The following IFT88 variants were observed in gnomAD, a reference collection of about 807,000 sequenced individuals.
The protein encoded by IFT88 is intraflagellar transport protein 88 homolog.
In IFT88, 74 loss-of-function variants were observed where a neutral mutation model predicts 119.5. The ratio of observed to expected loss-of-function variants is 0.62; its 90% confidence interval spans 0.51 to 0.75. The LOEUF is 0.75. Among genes scored for constraint, IFT88 ranks in the 30% least tolerant of loss-of-function variants. The pLI, the probability that IFT88 is intolerant of heterozygous loss-of-function variation, is 0.00. For synonymous variants in IFT88, 279 were observed against 316.7 expected (o/e 0.88, Z 1.26); for missense variants, 961 against 977.7 (o/e 0.98, Z 0.23).
intron 7 of IFT88, 121 bp downstream of exon 7, chr13:20,592,525 A>G (rs2040860995): frequency 1.5e-6 from 1 of 656,142 alleles, no homozygotes. Context: ...GCTGGAGTGC[A>G]GTGATGCGAT....
intron 1 of IFT88, among the ~76,000 whole-genome samples, chr13:20,572,378 C>T (rs1316482211): frequency 7.2e-5 from 11 of 152,024 alleles, no homozygotes; most frequent in Non-Finnish European, 1.6e-4. Context: ...ACCACCATGC[C>T]CGGCTAGTTT....
chr13:20,678,650 A>G (rs1246387352), intron 24 of IFT88, among the ~76,000 whole-genome samples: 1 of 152,198 alleles, frequency 6.6e-6, no homozygotes, highest in Non-Finnish European at 1.5e-5. Flanking sequence ...GTGAACCAAC[A>G]ACTTCTAGCA....
intron 22 of IFT88, among the ~76,000 whole-genome samples, chr13:20,661,563 G>A (rs981107401): frequency 6.6e-6 from 1 of 152,118 alleles, no homozygotes; most frequent in African/African-American, 2.4e-5. Flanking sequence ...GGAAACCCTT[G>A]TCTCTACTAA....
chr13:20,680,861 G>A (rs1436442924), intron 24 of IFT88, among the ~76,000 whole-genome samples: 12 of 152,098 alleles, frequency 7.9e-5, no homozygotes, highest in African/African-American at 2.7e-4. Context: ...TTCCCAACTC[G>A]TTGTTATCGA....
In IFT88 at chr13:20,597,707, A is replaced by G. The variant is rs1411135258; in HGVS notation, c.594+588A>G. 5.7e-3 allele frequency among the ~76,000 whole-genome samples: 856 copies of G among 151,312 alleles called. 2 individuals are homozygous for G. Among genetic ancestry groups the G allele is most frequent in the Non-Finnish European group, 8.3e-3 (564 of 67,732 alleles). On this transcript the variant is annotated intron_variant, in intron 9 of 25. Transcript: ENST00000351808. ...TGCGGCGAGCCAAGATCTTGCCACCACACTCCAGAGCCTGGGCGACAGAGC... is the reference window on the plus strand; with the variant it reads ...TGCGGCGAGCCAAGATCTTGCCACCGCACTCCAGAGCCTGGGCGACAGAGC...
chr13:20,659,412 T>C (rs1361256181), intron 22 of IFT88, among the ~76,000 whole-genome samples: 4 of 152,128 alleles, frequency 2.6e-5, no homozygotes, highest in Non-Finnish European at 5.9e-5. Context: ...AAGGATCGCT[T>C]GAACCCAGGA....
At chr13:20,672,510 C>G (rs573213594) in intron 24 of IFT88, among the ~76,000 whole-genome samples, 1 of 152,280 alleles carries the variant, frequency 6.6e-6, no homozygotes, top group East Asian at 1.9e-4. Context: ...ATCTCACACA[C>G]TCCACTTTAA....
At chr13:20,669,547 C>T (rs1035653258) in intron 23 of IFT88, among the ~76,000 whole-genome samples, 2 of 151,818 alleles carry the variant, frequency 1.3e-5, no homozygotes, top group South Asian at 4.2e-4. Flanking sequence ...CCTCAGCCTC[C>T]AGAGTAGCTG....
chr13:20,607,631 A>G (rs887291190), intron 13 of IFT88: 44 of 858,936 alleles, frequency 5.1e-5, no homozygotes, highest in Admixed American at 8.8e-5. Flanking sequence ...CTGTTTTTTT[A>G]TGATCCCCAC....
Position 20,600,055 on chromosome 13 carries a change from G to T in IFT88, c.812+490G>T, listed in dbSNP as rs958807500. On this transcript the variant is annotated intron_variant, in intron 11 of 25. Coordinates refer to ENST00000351808, the MANE Select transcript of IFT88 (RefSeq NM_006531.5). Reference sequence around the variant, plus strand: ...CTTATGGTCTAGTGATAACTGTGGGGACATAGGAAGTTTCCAAGATATTTA... The same window carrying T: ...CTTATGGTCTAGTGATAACTGTGGGTACATAGGAAGTTTCCAAGATATTTA... Among the ~76,000 whole-genome samples the T allele has an allele frequency of 2.0e-5, 3 of 152,074 alleles. No individual in the cohort carries two copies. In the East Asian group the frequency reaches 5.8e-4, roughly 29 times the overall value.
In IFT88 at chr13:20,641,461, T is replaced by C. The variant is rs753075346; in HGVS notation, c.1682+63T>C. 6.1e-6 allele frequency: 6 copies of C among 976,848 alleles called. No individual in the cohort carries two copies. The African/African-American group carries it at 6.4e-5, about 10-fold the overall frequency. The allele number at this position is 976,848 out of a possible 1,614,324, so 60.5% of individuals were successfully genotyped here. A position where few individuals can be genotyped will look rare whatever the true frequency, so the allele number is the denominator to read the frequency against. On this transcript the variant is annotated intron_variant, in intron 18 of 25. Transcript: ENST00000351808. Reference sequence around the variant, plus strand: ...CTCTCAATTGGTGATTGAAGATCAATTATTAAATAAGTTTAACTAATGAAG... The same window carrying C: ...CTCTCAATTGGTGATTGAAGATCAACTATTAAATAAGTTTAACTAATGAAG...
At chr13:20,567,906 A>G in intron 1 of IFT88, 1 of 630,430 alleles carries the variant, frequency 1.6e-6, no homozygotes. Flanking sequence ...GGCTTCTTGG[A>G]AGTAGACCAA....
intron 23 of IFT88, among the ~76,000 whole-genome samples, chr13:20,665,051 C>A (rs2054456457): frequency 6.6e-6 from 1 of 151,014 alleles, no homozygotes; most frequent in African/African-American, 2.4e-5. Context: ...TGCACTCCAG[C>A]CTGGGCAACA....
chr13:20,570,650 A>G (rs2036158258), intron 1 of IFT88, among the ~76,000 whole-genome samples: 1 of 143,144 alleles, frequency 7.0e-6, no homozygotes, highest in Admixed American at 7.3e-5. Context: ...TGAAATGTCC[A>G]GAATTGGCAA....
chr13:20,616,917 G>A (rs552682757), intron 14 of IFT88, among the ~76,000 whole-genome samples: 92 of 152,066 alleles, frequency 6.0e-4, no homozygotes, highest in African/African-American at 1.9e-3. Context: ...GTTGGTCCTG[G>A]ACCAAAACTT....
rs1248536820 is a variant in IFT88 at position 20,691,310 on chromosome 13, A to T, written c.*135A>T. 1 of 752,746 alleles carries T rather than the reference A, an allele frequency of 1.3e-6. No homozygotes were observed. 46.6% of individuals were successfully genotyped at this position (752,746 alleles called of 1,614,324 possible). On this transcript the variant is annotated 3_prime_UTR_variant, in exon 26 of 26. Coordinates refer to ENST00000351808, the MANE Select transcript of IFT88 (RefSeq NM_006531.5). ...CTTAAGTAAGTGTATTCTATTCTGT[A>T]TGTATGCATTTAAGTTGTTTTTTTC...
rs138519291 is a variant in IFT88, at chr13:20,624,802, T to C, written c.1200-948T>C. 2.6e-3 allele frequency among the ~76,000 whole-genome samples: 389 copies of C among 152,316 alleles called. 1 individual carries two copies. The highest frequency in any genetic ancestry group is 8.8e-3 in the African/African-American group (366 of 41,570). On this transcript the variant is annotated intron_variant, in intron 14 of 25. Coordinates refer to ENST00000351808, the MANE Select transcript of IFT88 (RefSeq NM_006531.5). ...TGGAGTGCAGTGATATAAAATGATA[T>C]ATATTTATGGTATACAAAATGATGT...
At chr13:20,579,009 G>T (rs1316749351) in intron 2 of IFT88, among the ~76,000 whole-genome samples, 1 of 151,964 alleles carries the variant, frequency 6.6e-6, no homozygotes, top group Non-Finnish European at 1.5e-5. Context: ...CTTTTGTATT[G>T]TTGTCTTTGA....
rs2038991074 is a variant in IFT88 at position 20,583,032 on chromosome 13, A to C, written c.153+13A>C. On this transcript the variant is annotated intron_variant, in intron 3 of 25. Coordinates refer to ENST00000351808, the MANE Select transcript of IFT88 (RefSeq NM_006531.5). ...CAGAAGACCTCCAGTAAGTGAAAAA[A>C]ATTTTTTTTAAATTGTGGTAAAAAA... The C allele has an allele frequency of 1.3e-6, 2 of 1,584,114 alleles. No individual in the cohort carries two copies. Among genetic ancestry groups the C allele is most frequent in the African/African-American group, 2.7e-5 (2 of 73,746 alleles).
Sources: gnomAD v4.1 joint callset for allele counts (sites outside exome capture counted in the v4.1 genomes callset) on GRCh38, gnomAD v4.1.1 for gene constraint, MANE v1.5 for transcripts, NCBI Gene and HGNC (gene_info 2026-07-23, HGNC 2026-07-21) for gene names.